The following NALF1 variants were observed in gnomAD, a reference collection of about 807,000 sequenced individuals.
NALF1 encodes NALCN channel auxiliary factor 1.
Under a neutral mutation model 48.4 loss-of-function variants are expected in NALF1, and 3 were observed. The ratio of observed to expected loss-of-function variants is 0.06; its 90% CI spans 0.03 to 0.16. The LOEUF is 0.16. Among genes scored for constraint, NALF1 ranks in the 10% least tolerant of loss-of-function variants. NALF1 has a pLI of 1.00. For missense variants in NALF1, 526 were observed against 571.5 expected (o/e 0.92, Z 0.81); for synonymous variants, 262 against 245.7 (o/e 1.07, Z -0.62).
intron 1 of NALF1, among the ~76,000 whole-genome samples, chr13:107,288,258 C>T (rs1389011672): frequency 8.2e-4 from 109 of 133,510 alleles, no homozygotes; most frequent in African/African-American, 3.0e-3. Flanking sequence ...CTCGCTCTGT[C>T]GCCCAGGCTG....
chr13:107,598,123 C>A (rs913302973), intron 1 of NALF1, among the ~76,000 whole-genome samples: 1 of 152,064 alleles, frequency 6.6e-6, no homozygotes, highest in African/African-American at 2.4e-5. Flanking sequence ...TGCTCTCTGT[C>A]CAGAATTTGC....
chr13:107,271,909 T>C (rs1486233284), intron 1 of NALF1, among the ~76,000 whole-genome samples: 2 of 150,246 alleles, frequency 1.3e-5, no homozygotes, highest in African/African-American at 4.9e-5. Context: ...TTCTGACAAA[T>C]GAATTAATAT....
At chr13:107,740,071 A>G (rs1876588623) in intron 1 of NALF1, among the ~76,000 whole-genome samples, 2 of 152,184 alleles carry the variant, frequency 1.3e-5, no homozygotes, top group East Asian at 1.9e-4. Context: ...CACTTGAATC[A>G]TCCTGAAACC....
intron 1 of NALF1, among the ~76,000 whole-genome samples, chr13:107,687,139 C>T (rs539150976): frequency 6.6e-5 from 10 of 152,208 alleles, no homozygotes; most frequent in Admixed American, 3.3e-4. Flanking sequence ...GAAATTATGT[C>T]CTTTGCAGGA....
chr13:107,286,910 G>A (rs1881506091), intron 1 of NALF1, among the ~76,000 whole-genome samples: 2 of 152,108 alleles, frequency 1.3e-5, no homozygotes, highest in African/African-American at 2.4e-5. Flanking sequence ...GAGTGAATAG[G>A]GAAAAACAAA....
chr13:107,174,165 T>A (rs1446189179), intron 2 of NALF1, among the ~76,000 whole-genome samples: 2 of 152,150 alleles, frequency 1.3e-5, no homozygotes, highest in Non-Finnish European at 2.9e-5. Context: ...CCATTTTCTC[T>A]GTGTTGCCAC....
At chr13:107,705,792 A>C (rs1182161269) in intron 1 of NALF1, among the ~76,000 whole-genome samples, 2 of 152,150 alleles carry the variant, frequency 1.3e-5, no homozygotes, top group African/African-American at 2.4e-5. Flanking sequence ...AAAAAACAAC[A>C]ACAGATGCTT....
intron 1 of NALF1, among the ~76,000 whole-genome samples, chr13:107,513,634 G>T (rs1352342171): frequency 3.3e-5 from 5 of 152,164 alleles, no homozygotes; most frequent in African/African-American, 4.8e-5. Context: ...CAATGGTGGG[G>T]TTCCATGAAT....
chr13:107,325,802 C>T (rs1437153518), intron 1 of NALF1, among the ~76,000 whole-genome samples: 2 of 144,156 alleles, frequency 1.4e-5, no homozygotes, highest in Non-Finnish European at 3.0e-5. Context: ...GAGTGTGCCA[C>T]TGCATTCCAG....
intron 1 of NALF1, among the ~76,000 whole-genome samples, chr13:107,652,509 A>G (rs377195625): frequency 1.3e-5 from 2 of 152,288 alleles, no homozygotes; most frequent in East Asian, 3.9e-4. Context: ...GAAATTCATG[A>G]TTGGACATCT....
intron 1 of NALF1, among the ~76,000 whole-genome samples, chr13:107,222,155 C>G (rs9514631): frequency 1.3e-5 from 2 of 152,138 alleles, no homozygotes; most frequent in African/African-American, 2.4e-5. Flanking sequence ...AGAATTATAT[C>G]TGGAAAAAAC....
intron 1 of NALF1, among the ~76,000 whole-genome samples, chr13:107,212,150 G>A (rs187899739): frequency 2.0e-5 from 3 of 152,298 alleles, no homozygotes; most frequent in Admixed American, 1.3e-4. Flanking sequence ...GTAGAAGGAG[G>A]ATTGTATTTT....
chr13:107,397,015 T>C (rs1036687346), intron 1 of NALF1, among the ~76,000 whole-genome samples: 2 of 152,256 alleles, frequency 1.3e-5, no homozygotes, highest in Middle Eastern at 3.4e-3. Flanking sequence ...CCTGGAGGCA[T>C]ATTTGGAGGA....
intron 1 of NALF1, among the ~76,000 whole-genome samples, chr13:107,639,670 G>A (rs190753668): frequency 6.6e-6 from 1 of 151,666 alleles, no homozygotes; most frequent in Admixed American, 6.6e-5. Context: ...GGTTTGGGGT[G>A]TATAAATCCT....
intron 1 of NALF1, among the ~76,000 whole-genome samples, chr13:107,726,283 A>G (rs1050101311): frequency 1.3e-5 from 2 of 152,120 alleles, no homozygotes; most frequent in Admixed American, 6.5e-5. Flanking sequence ...ATATTTACCA[A>G]ATAGGTTAGC....
chr13:107,171,944 T>C (rs1878814340), intron 2 of NALF1, among the ~76,000 whole-genome samples: 1 of 152,150 alleles, frequency 6.6e-6, no homozygotes, highest in South Asian at 2.1e-4. Context: ...AACATGAAAA[T>C]TTGGGCTGCT....
At chr13:107,477,256 A>T (rs771690231) in intron 1 of NALF1, among the ~76,000 whole-genome samples, 3 of 152,152 alleles carry the variant, frequency 2.0e-5, no homozygotes, top group Admixed American at 1.3e-4. Context: ...GCTGTAAGTC[A>T]GTAAATAACT....
At chr13:107,328,828 C>G (rs1414665558) in intron 1 of NALF1, among the ~76,000 whole-genome samples, 1 of 152,182 alleles carries the variant, frequency 6.6e-6, no homozygotes, top group Admixed American at 6.5e-5. Context: ...CCAACGCTAT[C>G]AAAAATTTAC....
chr13:107,847,687 T>C (rs560506846), intron 1 of NALF1, among the ~76,000 whole-genome samples: 1 of 152,180 alleles, frequency 6.6e-6, no homozygotes, highest in East Asian at 1.9e-4. Flanking sequence ...GGAGCAGGAT[T>C]CAACAACCAC....
Sources: allele counts gnomAD v4.1 joint callset (sites outside exome capture counted in the v4.1 genomes callset), GRCh38; gene constraint gnomAD v4.1.1; transcripts MANE v1.5; gene names NCBI Gene and HGNC (gene_info 2026-07-23, HGNC 2026-07-21).